IKZF2: variants seen among roughly 807,000 people sequenced by gnomAD.
The protein encoded by IKZF2 is IKAROS family zinc finger 2, also known as zinc finger protein Helios.
In IKZF2, 15 loss-of-function variants were observed where a neutral mutation model predicts 49.2. The ratio of observed to expected loss-of-function variants is 0.30; its 90% CI spans 0.20 to 0.47. The LOEUF (loss-of-function observed/expected upper bound fraction) is 0.47. Ranked by LOEUF, IKZF2 falls within the 20% of genes least tolerant of loss-of-function variation. The pLI is 1.00. For missense variants in IKZF2, 567 were observed against 664.6 expected (o/e 0.85, Z 1.61); for synonymous variants, 227 against 221.4 (o/e 1.03, Z -0.23).
chr2:213,109,717 G>T (rs2059640860), intron 4 of IKZF2, among the ~76,000 whole-genome samples: 1 of 151,786 alleles, frequency 6.6e-6, no homozygotes, highest in Admixed American at 6.6e-5. Context: ...TGATGTTACA[G>T]TACAGCAATT....
At chr2:213,058,080 T>C (rs908892319) in intron 4 of IKZF2, among the ~76,000 whole-genome samples, 1 of 152,140 alleles carries the variant, frequency 6.6e-6, no homozygotes, top group Non-Finnish European at 1.5e-5. Context: ...TATTTGGTAC[T>C]ACTTGATTAG....
At chr2:213,056,030 G>A (rs1701119648) in intron 5 of IKZF2, among the ~76,000 whole-genome samples, 1 of 151,778 alleles carries the variant, frequency 6.6e-6, no homozygotes, top group South Asian at 2.1e-4. Flanking sequence ...AAGAGTCAAC[G>A]ATCCTCCTAG....
At chr2:213,115,043 C>A (rs531642344) in intron 4 of IKZF2, among the ~76,000 whole-genome samples, 3 of 152,046 alleles carry the variant, frequency 2.0e-5, no homozygotes, top group Non-Finnish European at 4.4e-5. Flanking sequence ...TCAAAGAAGG[C>A]GGAATCACAG....
intron 4 of IKZF2, among the ~76,000 whole-genome samples, chr2:213,108,614 C>G (rs1054626755): frequency 1.3e-5 from 2 of 152,132 alleles, no homozygotes; most frequent in Non-Finnish European, 2.9e-5. Context: ...CAGGTGCCAA[C>G]TTCTACTCTT....
At chr2:213,141,446 T>C (rs1356859112) in intron 4 of IKZF2, among the ~76,000 whole-genome samples, 1 of 151,980 alleles carries the variant, frequency 6.6e-6, no homozygotes. Flanking sequence ...TATCCTGCCT[T>C]GATTAACTCT....
rs527244023 is a variant in IKZF2 at position 213,055,397 on chromosome 2, GA to G, written c.406+1435del. On this transcript the variant is annotated intron_variant, in intron 5 of 8. Transcript: ENST00000434687. Reference sequence around the variant, plus strand: ...TTTTCTAAGACACTTAAAAATTAAAGAAAAAAGTTACACTAGTAATATAAAT... The same window carrying G: ...TTTTCTAAGACACTTAAAAATTAAAGAAAAAGTTACACTAGTAATATAAAT... 4.7e-3 allele frequency among the ~76,000 whole-genome samples: 718 copies of G among 151,892 alleles called. 7 individuals carry two copies. Among genetic ancestry groups the G allele is most frequent in the Non-Finnish European group, 6.4e-3 (431 of 67,852 alleles).
chr2:213,030,537 G>C (rs1317695425), intron 6 of IKZF2, among the ~76,000 whole-genome samples: 1 of 152,076 alleles, frequency 6.6e-6, no homozygotes, highest in African/African-American at 2.4e-5. Context: ...AAACAAGTCT[G>C]TGAGACAGTA....
At chr2:213,050,541 A>G (rs756803582) in intron 5 of IKZF2, among the ~76,000 whole-genome samples, 1 of 152,190 alleles carries the variant, frequency 6.6e-6, no homozygotes, top group Non-Finnish European at 1.5e-5. Flanking sequence ...AATACGGGCC[A>G]GGTTTCTTGA....
At chr2:213,080,300 C>T (rs1703805861) in intron 4 of IKZF2, among the ~76,000 whole-genome samples, 1 of 152,048 alleles carries the variant, frequency 6.6e-6, no homozygotes, top group African/African-American at 2.4e-5. Context: ...TGTCAGTGAA[C>T]TTCTAAAGTT....
intron 4 of IKZF2, among the ~76,000 whole-genome samples, chr2:213,079,577 G>GAGAAA (rs149948292): frequency 0.9 from 134,607 of 149,522 alleles, 60,810 homozygotes; most frequent in African/African-American, 0.92. Flanking sequence ...GACAGAGAAA[G>GAGAAA]AGAAAAGAAA....
intron 6 of IKZF2, among the ~76,000 whole-genome samples, chr2:213,031,330 T>C (rs1348341606): frequency 6.6e-6 from 1 of 152,244 alleles, no homozygotes. Flanking sequence ...GCCATTTGTT[T>C]TATAATGTAA....
chr2:213,027,008 T>C (rs1697888754), intron 6 of IKZF2, among the ~76,000 whole-genome samples: 2 of 152,276 alleles, frequency 1.3e-5, no homozygotes, highest in Non-Finnish European at 2.9e-5. Flanking sequence ...TGGCATTTAA[T>C]GAAATACATA....
intron 4 of IKZF2, among the ~76,000 whole-genome samples, chr2:213,146,769 G>GGGGGGGGCA (rs397769777): frequency 9.4e-6 from 1 of 106,816 alleles, no homozygotes; most frequent in Non-Finnish European, 2.1e-5. Flanking sequence ...CGGGGGGGGG[G>GGGGGGGGCA]AAGGAAAGAG....
At chr2:213,064,873 T>C (rs1559226669) in intron 4 of IKZF2, among the ~76,000 whole-genome samples, 1 of 152,176 alleles carries the variant, frequency 6.6e-6, no homozygotes, top group Non-Finnish European at 1.5e-5. Context: ...CCCCAATTCA[T>C]CTATATTCAG....
At chr2:213,080,161 AT>A (rs1479724319) in intron 4 of IKZF2, among the ~76,000 whole-genome samples, 2 of 88,966 alleles carry the variant, frequency 2.2e-5, no homozygotes, top group Non-Finnish European at 5.1e-5. Flanking sequence ...TGAAGTATAT[AT>A]TTAAAAAATC....
At chr2:213,141,138 T>C (rs912499136) in intron 4 of IKZF2, among the ~76,000 whole-genome samples, 3 of 152,022 alleles carry the variant, frequency 2.0e-5, no homozygotes, top group Non-Finnish European at 4.4e-5. Flanking sequence ...CTTGACTCTA[T>C]TGTCTCCTTA....
intron 6 of IKZF2, among the ~76,000 whole-genome samples, chr2:213,047,904 G>A (rs1036296896): frequency 6.6e-6 from 1 of 151,952 alleles, no homozygotes; most frequent in South Asian, 2.1e-4. Flanking sequence ...TTATTTAGCC[G>A]ATGTGCTAAA....
chr2:213,023,180 A>C (rs909236041), intron 6 of IKZF2, among the ~76,000 whole-genome samples: 7 of 152,162 alleles, frequency 4.6e-5, no homozygotes, highest in Non-Finnish European at 8.8e-5. Flanking sequence ...AGAGAATAAC[A>C]GACAACTCTT....
At chr2:213,088,812 G>A (rs747715132) in intron 4 of IKZF2, among the ~76,000 whole-genome samples, 2 of 152,092 alleles carry the variant, frequency 1.3e-5, no homozygotes, top group Non-Finnish European at 2.9e-5. Context: ...AACAATAATG[G>A]AAGATATTTA....
Sources: allele counts gnomAD v4.1 joint callset (sites outside exome capture counted in the v4.1 genomes callset), GRCh38; gene constraint gnomAD v4.1.1; transcripts MANE v1.5; gene names NCBI Gene and HGNC (gene_info 2026-07-23, HGNC 2026-07-21).